The following TNNI3K variants were observed in gnomAD, a reference collection of about 807,000 sequenced individuals.
TNNI3K encodes TNNI3 interacting kinase.
Under a neutral mutation model 114.5 loss-of-function variants are expected in TNNI3K, and 140 were observed. The ratio of observed to expected loss-of-function variants is 1.22; its 90% CI spans 1.07 to 1.41. The LOEUF (loss-of-function observed/expected upper bound fraction) is 1.41, where lower values mean the gene tolerates loss of function less well. TNNI3K is among the 40% of genes most tolerant of loss of function. The probability of loss-of-function intolerance (pLI) is 0.00; values close to 1 mark genes in which losing one functional copy is unlikely to be tolerated. For synonymous variants in TNNI3K, 347 were observed against 347.5 expected, an observed-to-expected ratio of 1.00 and a Z score of 0.02; for missense variants, 1,125 against 1,007.6, an observed-to-expected ratio of 1.12 and a Z score of -1.58.
chr1:74,431,420 T>C (rs556889775), intron 17 of TNNI3K, among the ~76,000 whole-genome samples: 3 of 152,248 alleles, frequency 2.0e-5, no homozygotes, highest in Admixed American at 6.5e-5. Flanking sequence ...AATTTTAGAT[T>C]ATGTACCTTG....
intron 5 of TNNI3K, among the ~76,000 whole-genome samples, chr1:74,312,929 C>T (rs1166905872): frequency 1.3e-5 from 2 of 152,138 alleles, no homozygotes; most frequent in East Asian, 3.9e-4. Context: ...TTCCTTGTTT[C>T]ATCAATGCGG....
intron 7 of TNNI3K, among the ~76,000 whole-genome samples, chr1:74,341,225 G>A (rs1660731859): frequency 6.6e-6 from 1 of 152,138 alleles, no homozygotes; most frequent in Admixed American, 6.6e-5. Context: ...ATTATTGACT[G>A]TTTAACTAGA....
chr1:74,473,914 T>A (rs142725097), intron 21 of TNNI3K, among the ~76,000 whole-genome samples: 7 of 152,250 alleles, frequency 4.6e-5, no homozygotes, highest in Non-Finnish European at 8.8e-5. Flanking sequence ...TCTATAATTC[T>A]TTTTCCAAGT....
In TNNI3K at chr1:74,392,066, C is replaced by G. The variant is rs149608691; in HGVS notation, c.1772+21674C>G. On this transcript the variant is annotated intron_variant, in intron 17 of 24. Coordinates refer to ENST00000326637, the MANE Select transcript of TNNI3K (RefSeq NM_015978.3). ...CTGCAAGCTCCGCCTCCCGGGTTCA[C>G]GCCATTCTCCTGCCTCAGCCTCCCA... 4.1e-3 allele frequency among the ~76,000 whole-genome samples: 605 copies of G among 149,242 alleles called. 5 individuals are homozygous for G. The highest frequency in any genetic ancestry group is 0.014 in the African/African-American group (574 of 40,284).
At chr1:74,280,000 G>T (rs990404280) in intron 5 of TNNI3K, among the ~76,000 whole-genome samples, 1 of 152,022 alleles carries the variant, frequency 6.6e-6, no homozygotes, top group Non-Finnish European at 1.5e-5. Context: ...CAGGATAACC[G>T]AGTTGAACAA....
intron 5 of TNNI3K, among the ~76,000 whole-genome samples, chr1:74,320,247 G>C (rs970502154): frequency 6.6e-6 from 1 of 152,104 alleles, no homozygotes; most frequent in South Asian, 2.1e-4. Flanking sequence ...TTTCTGACTA[G>C]ATGATGTGTG....
chr1:74,508,309 G>C (rs1294204104), intron 23 of TNNI3K, among the ~76,000 whole-genome samples: 2 of 152,202 alleles, frequency 1.3e-5, no homozygotes. Flanking sequence ...CATCATAAGT[G>C]TAACCATACT....
At chr1:74,498,060 A>G (rs1381307510) in intron 23 of TNNI3K, among the ~76,000 whole-genome samples, 2 of 152,198 alleles carry the variant, frequency 1.3e-5, no homozygotes, top group Non-Finnish European at 2.9e-5. Context: ...AGCTGGGACC[A>G]GAATGTTGAG....
intron 5 of TNNI3K, among the ~76,000 whole-genome samples, chr1:74,302,815 G>T (rs1467011498): frequency 6.6e-6 from 1 of 152,328 alleles, no homozygotes; most frequent in South Asian, 2.1e-4. Context: ...GCAAGGTGAA[G>T]CAACAAGTGC....
Position 74,236,150 on chromosome 1 carries a change from G to T in TNNI3K, c.89G>T (p.Arg30Ile). ...VSESYVITIE[R>I]LEDDLQIKEK... ...GAATCATATGTTATCACAATAGAAA[G>T]ATTAGAAGATGACCTGCAGATCAAG... Residue 30 changes from arginine to isoleucine, a missense_variant, in exon 2 of 25, where the codon AGA (arginine) becomes ATA (isoleucine). By Grantham distance (97) the Arg-to-Ile change is moderately conservative. Coordinates refer to ENST00000326637, the MANE Select transcript of TNNI3K (RefSeq NM_015978.3). 1.2e-6 allele frequency: 2 copies of T among 1,608,318 alleles called. No homozygotes were observed. Among genetic ancestry groups the T allele is most frequent in the Non-Finnish European group, 1.7e-6 (2 of 1,176,136 alleles).
At chr1:74,532,111 T>A (rs6703637) in intron 23 of TNNI3K, among the ~76,000 whole-genome samples, 76,612 of 151,910 alleles carry the variant, frequency 0.5, 20,306 homozygotes, top group East Asian at 0.73. Flanking sequence ...GATGAATCCA[T>A]GCATGCAGCT....
chr1:74,470,226 G>T, intron 21 of TNNI3K: 2 of 400,590 alleles, frequency 5.0e-6, no homozygotes, highest in Non-Finnish European at 8.8e-6. Context: ...TGGTCTCCTC[G>T]GCAGAGCTTG....
chr1:74,370,748 C>T, intron 17 of TNNI3K: 1 of 161,154 alleles, frequency 6.2e-6, no homozygotes, highest in Non-Finnish European at 1.3e-5. Flanking sequence ...GTTGGAGTAG[C>T]TCCTGATATA....
intron 9 of TNNI3K, among the ~76,000 whole-genome samples, chr1:74,351,585 C>T (rs1310381202): frequency 4.6e-5 from 7 of 152,284 alleles, no homozygotes; most frequent in East Asian, 1.9e-4. Context: ...TCCATTCTCC[C>T]TGTCACTTTC....
chr1:74,363,824 T>G (rs1466997346), intron 11 of TNNI3K, among the ~76,000 whole-genome samples: 1 of 151,760 alleles, frequency 6.6e-6, no homozygotes, highest in African/African-American at 2.4e-5. Flanking sequence ...GCCCAAACAC[T>G]TGAAGACCAA....
In TNNI3K at chr1:74,521,516, G is replaced by GTATA. The variant is rs45531434; in HGVS notation, c.2352-18707_2352-18704dup. ...AAACGCATTATGTATGTGTGTATGT[G>GTATA]TATATATATATATACACCTATATAT... On this transcript the variant is annotated intron_variant, in intron 23 of 24. Coordinates refer to ENST00000326637, the MANE Select transcript of TNNI3K (RefSeq NM_015978.3). Among the ~76,000 whole-genome samples, 98 of 150,620 alleles carry GTATA rather than the reference G, an allele frequency of 6.5e-4. 1 individual carries two copies. Among genetic ancestry groups the GTATA allele is most frequent in the African/African-American group, 2.1e-3 (87 of 41,036 alleles).
At chr1:74,332,021 T>C (rs553825196) in intron 6 of TNNI3K, among the ~76,000 whole-genome samples, 1 of 152,296 alleles carries the variant, frequency 6.6e-6, no homozygotes, top group East Asian at 1.9e-4. Flanking sequence ...AAAGGCTCTA[T>C]AAAAACAATT....
intron 21 of TNNI3K, chr1:74,471,199 A>G: frequency 2.5e-6 from 1 of 400,690 alleles, no homozygotes; most frequent in East Asian, 3.6e-5. Context: ...AGCACTGAGC[A>G]GGGGGGCACG....
At chr1:74,472,222 G>T (rs1667971868) in intron 21 of TNNI3K, 2 of 715,420 alleles carry the variant, frequency 2.8e-6, no homozygotes, top group Admixed American at 2.0e-5. Context: ...ATAAATGCAA[G>T]AATTTAGCAC....
Sources: gnomAD v4.1 joint callset for allele counts (sites outside exome capture counted in the v4.1 genomes callset) on GRCh38, gnomAD v4.1.1 for gene constraint, MANE v1.5 for transcripts, NCBI Gene and HGNC (gene_info 2026-07-23, HGNC 2026-07-21) for gene names.